The following KALRN variants were observed in gnomAD, a reference collection of about 807,000 sequenced individuals.
KALRN encodes the protein kalirin.
In KALRN, 70 loss-of-function variants were observed where a neutral mutation model predicts 353.7. The observed-to-expected ratio is 0.20, with a 90% CI of 0.16 to 0.24. The LOEUF (loss-of-function observed/expected upper bound fraction) is 0.24, where lower values mean the gene tolerates loss of function less well. KALRN is among the 10% of genes least tolerant of loss of function. KALRN has a pLI of 1.00. For missense variants in KALRN, 2,791 were observed against 3,756.7 expected, an observed-to-expected ratio of 0.74 and a Z score of 6.72; for synonymous variants, 1,391 against 1,434.8, an observed-to-expected ratio of 0.97 and a Z score of 0.69.
chr3:124,717,134 T>G (rs758349744), intron 58 of KALRN, 113 bp from the exon 59 acceptor site: 1 of 995,876 alleles, frequency 1.0e-6, no homozygotes, highest in Non-Finnish European at 1.4e-6. Context: ...TTGGTCTTCA[T>G]GTATAACAAT....
intron 1 of KALRN, among the ~76,000 whole-genome samples, chr3:124,190,857 A>T (rs897007967): frequency 1.3e-5 from 2 of 152,150 alleles, no homozygotes; most frequent in Non-Finnish European, 2.9e-5. Flanking sequence ...GACATTATCT[A>T]CCTGGAGGCA....
chr3:124,213,417 T>C (rs1046121329), intron 1 of KALRN, among the ~76,000 whole-genome samples: 2 of 152,286 alleles, frequency 1.3e-5, no homozygotes. Context: ...ATGTTAATTC[T>C]TGTGTCTGCT....
chr3:124,604,875 G>C (rs1327422762), intron 34 of KALRN, among the ~76,000 whole-genome samples: 1 of 151,320 alleles, frequency 6.6e-6, no homozygotes, highest in African/African-American at 2.4e-5. Flanking sequence ...AAAAAATTAG[G>C]CCGGGTGCAG....
intron 1 of KALRN, among the ~76,000 whole-genome samples, chr3:124,176,379 G>T (rs2072754211): frequency 6.6e-6 from 1 of 152,164 alleles, no homozygotes; most frequent in Non-Finnish European, 1.5e-5. Context: ...TACGTTTTTG[G>T]TGTCTTGTAA....
chr3:124,053,131 G>A (rs1382055846), intron 1 of KALRN, among the ~76,000 whole-genome samples: 1 of 152,130 alleles, frequency 6.6e-6, no homozygotes, highest in African/African-American at 2.4e-5. Context: ...CGACCTCTTG[G>A]GCTCAAGGGA....
intron 27 of KALRN, 57 bp downstream of exon 27, chr3:124,477,391 CT>C (rs3214750): frequency 0.13 from 164,340 of 1,269,434 alleles, 16,462 homozygotes; most frequent in East Asian, 0.54. Context: ...TGCTTCTCTG[CT>C]TTGGCATAAT....
intron 29 of KALRN, among the ~76,000 whole-genome samples, chr3:124,489,733 C>A (rs2062938639): frequency 6.6e-6 from 1 of 152,204 alleles, no homozygotes; most frequent in Non-Finnish European, 1.5e-5. Context: ...CCAGCAGCAG[C>A]AACAGCACCT....
Position 124,334,090 on chromosome 3 carries a change from C to T in KALRN, c.1417-175C>T, listed in dbSNP as rs1307316330. ...AGGGGATTCCAGCTGCTCTGCCCTC[C>T]ACCAGGCCGGAGGATGGGCCCCATG... is the stretch of plus-strand genomic sequence containing the variant. On this transcript the variant is annotated intron_variant, in intron 8 of 59. Transcript: ENST00000682506. The surrounding 1 kb of genome is among the most constrained non-coding windows in gnomAD (Gnocchi z 4.2). Among the ~76,000 whole-genome samples the T allele has an allele frequency of 6.6e-6, 1 of 152,206 alleles. No homozygotes were observed. The highest frequency in any genetic ancestry group is 1.5e-5 in the Non-Finnish European group (1 of 68,038).
At chr3:124,135,567 G>A (rs1325189770) in intron 1 of KALRN, among the ~76,000 whole-genome samples, 2 of 152,150 alleles carry the variant, frequency 1.3e-5, no homozygotes, top group Non-Finnish European at 2.9e-5. Flanking sequence ...AAGGGTGTGG[G>A]GGTGTTAGAG....
At chr3:124,262,244 GAA>G (rs1560395503) in intron 3 of KALRN, among the ~76,000 whole-genome samples, 2 of 152,064 alleles carry the variant, frequency 1.3e-5, no homozygotes, top group African/African-American at 4.8e-5. Context: ...TTAGACATGA[GAA>G]AAAACTACGT....
intron 1 of KALRN, among the ~76,000 whole-genome samples, chr3:124,204,825 C>A (rs989010502): frequency 3.3e-5 from 5 of 152,210 alleles, no homozygotes; most frequent in African/African-American, 1.2e-4. Context: ...GTCCTCCGCA[C>A]TGCTCCAGAA....
At chr3:124,220,993 G>A (rs2077845056) in intron 1 of KALRN, among the ~76,000 whole-genome samples, 1 of 152,160 alleles carries the variant, frequency 6.6e-6, no homozygotes, top group Non-Finnish European at 1.5e-5. Flanking sequence ...ACCCAGCTCT[G>A]CCCCTTGCTG....
chr3:124,135,664 G>A (rs1260502205), intron 1 of KALRN, among the ~76,000 whole-genome samples: 3 of 150,736 alleles, frequency 2.0e-5, no homozygotes, highest in African/African-American at 7.5e-5. Context: ...GAATCAAGAT[G>A]CTGGGATTAT....
chr3:124,568,097 A>G (rs966435604), intron 34 of KALRN, among the ~76,000 whole-genome samples: 1 of 152,234 alleles, frequency 6.6e-6, no homozygotes, highest in Non-Finnish European at 1.5e-5. Flanking sequence ...TTAAAGATGT[A>G]TTAGAAAGGT....
chr3:124,390,557 C>CTGTACTGT (rs1006666872), intron 11 of KALRN, among the ~76,000 whole-genome samples: 4 of 152,154 alleles, frequency 2.6e-5, no homozygotes, highest in Non-Finnish European at 5.9e-5. Context: ...ATTTTACTTG[C>CTGTACTGT]TGTACTGTTG....
chr3:124,389,583 A>G (rs368897557), intron 11 of KALRN, among the ~76,000 whole-genome samples: 2 of 152,254 alleles, frequency 1.3e-5, no homozygotes, highest in South Asian at 4.1e-4. Context: ...GACCATCTAA[A>G]TGTTTCACAT....
At chr3:124,695,117 T>A (rs1389881211) in intron 53 of KALRN, among the ~76,000 whole-genome samples, 1 of 152,248 alleles carries the variant, frequency 6.6e-6, no homozygotes, top group African/African-American at 2.4e-5. Context: ...AAGAACAGTG[T>A]TATTAGAAAA....
intron 10 of KALRN, among the ~76,000 whole-genome samples, chr3:124,372,103 C>T (rs562966836): frequency 5.3e-5 from 8 of 152,248 alleles, no homozygotes; most frequent in South Asian, 2.1e-4. Flanking sequence ...GTTCCATCCA[C>T]GTTTTTGCAA....
chr3:124,325,959 G>A (rs2079863112), intron 6 of KALRN, 21 bp from the exon 7 acceptor site: 1 of 1,602,830 alleles, frequency 6.2e-7, no homozygotes. Flanking sequence ...GCCCCACTGA[G>A]CACTCTCCTT....
Sources: allele counts gnomAD v4.1 joint callset (sites outside exome capture counted in the v4.1 genomes callset), GRCh38; gene constraint gnomAD v4.1.1; non-coding constraint Gnocchi (gnomAD v3.1); transcripts MANE v1.5; gene names NCBI Gene and HGNC (gene_info 2026-07-23, HGNC 2026-07-21).